The following ATP8A1 variants were observed in gnomAD, a reference collection of about 807,000 sequenced individuals.
The protein encoded by ATP8A1 is ATPase phospholipid transporting 8A1.
ATP8A1 carries 90 observed loss-of-function variants against 177.7 expected under a neutral mutation model. That is an observed-to-expected ratio of 0.51 (90% CI 0.43 to 0.60). The LOEUF (loss-of-function observed/expected upper bound fraction) is 0.60. ATP8A1 is among the 20% of genes least tolerant of loss of function. The pLI is 0.00. For synonymous variants in ATP8A1, 493 were observed against 485.9 expected (o/e 1.01, Z -0.19); for missense variants, 1,072 against 1,392.8 (o/e 0.77, Z 3.67).
chr4:42,578,335 G>C lies in ATP8A1; in HGVS notation c.1053C>G (p.Phe351Leu). The C allele has an allele frequency of 6.2e-7, 1 of 1,612,958 alleles. No individual in the cohort carries two copies. The highest frequency in any genetic ancestry group is 8.5e-7 in the Non-Finnish European group (1 of 1,179,340). ...GLNFLTFIIL[F>L]NNLIPISLLV... ...ATAAGCTGATAGGAATGAGATTGTTGAAAAGGATGATGAAGGTCAAGAAAT... is the reference window on the plus strand; with the variant it reads ...ATAAGCTGATAGGAATGAGATTGTTCAAAAGGATGATGAAGGTCAAGAAAT... Residue 351 changes from phenylalanine to leucine, a missense_variant, in exon 12 of 37, where the codon TTC becomes TTG. By Grantham distance (22) the Phe-to-Leu change is conservative. This residue lies in a region of ATP8A1 where 20 missense variants were observed against 51.3 expected (regional missense o/e 0.39). Transcript: ENST00000381668.
At chr4:42,437,122 G>T (rs927920083) in intron 33 of ATP8A1, among the ~76,000 whole-genome samples, 1 of 152,136 alleles carries the variant, frequency 6.6e-6, no homozygotes, top group African/African-American at 2.4e-5. Flanking sequence ...AGAAACAGAT[G>T]GTGCTCGGGA....
intron 1 of ATP8A1, among the ~76,000 whole-genome samples, chr4:42,653,276 G>T (rs1022849123): frequency 3.5e-4 from 39 of 112,268 alleles, no homozygotes; most frequent in African/African-American, 1.3e-3. Context: ...TAAACATTTT[G>T]CTTTCTCTTC....
At chr4:42,650,462 T>C (rs1276027325) in intron 1 of ATP8A1, among the ~76,000 whole-genome samples, 1 of 152,212 alleles carries the variant, frequency 6.6e-6, no homozygotes, top group Non-Finnish European at 1.5e-5. Context: ...TGGTGCATAA[T>C]AAGTGGTTTT....
At chr4:42,644,717 A>G (rs1740356664) in intron 1 of ATP8A1, among the ~76,000 whole-genome samples, 2 of 152,124 alleles carry the variant, frequency 1.3e-5, no homozygotes, top group South Asian at 4.1e-4. Flanking sequence ...CAGAGCGGCC[A>G]CCGAGAAACA....
intron 11 of ATP8A1, among the ~76,000 whole-genome samples, chr4:42,578,829 C>A (rs907262285): frequency 6.6e-6 from 1 of 151,902 alleles, no homozygotes; most frequent in African/African-American, 2.4e-5. Context: ...ATATTCAGTC[C>A]TAGGTAAATT....
chr4:42,522,042 T>C (rs746208353), intron 22 of ATP8A1, 118 bp downstream of exon 22: 28 of 1,142,822 alleles, frequency 2.5e-5, no homozygotes, highest in Non-Finnish European at 3.3e-5. Flanking sequence ...TGAGAGGGTA[T>C]TCAATAGTGA....
chr4:42,545,784 G>A (rs1324403896), intron 19 of ATP8A1, among the ~76,000 whole-genome samples: 1 of 152,110 alleles, frequency 6.6e-6, no homozygotes, highest in Non-Finnish European at 1.5e-5. Context: ...GACCAGCCTG[G>A]CCAACATGGT....
intron 30 of ATP8A1, among the ~76,000 whole-genome samples, chr4:42,450,352 T>C (rs1227204369): frequency 2.0e-5 from 3 of 152,220 alleles, no homozygotes; most frequent in Admixed American, 6.5e-5. Flanking sequence ...TGCCAATGGA[T>C]ATGGGGCTTC....
At chr4:42,459,786 A>AT (rs1337901206) in intron 27 of ATP8A1, among the ~76,000 whole-genome samples, 1 of 151,684 alleles carries the variant, frequency 6.6e-6, no homozygotes, top group Non-Finnish European at 1.5e-5. Flanking sequence ...TATTTTTTTA[A>AT]TTTTTATTTA....
chr4:42,421,914 T>C (rs1713985005), intron 35 of ATP8A1, among the ~76,000 whole-genome samples: 1 of 152,172 alleles, frequency 6.6e-6, no homozygotes, highest in Non-Finnish European at 1.5e-5. Context: ...TTAGTGGATT[T>C]GATTAGCTTT....
At chr4:42,568,623 A>G (rs760512195) in intron 15 of ATP8A1, among the ~76,000 whole-genome samples, 2 of 152,244 alleles carry the variant, frequency 1.3e-5, no homozygotes, top group African/African-American at 2.4e-5. Flanking sequence ...TAAATATACT[A>G]AAGTTAACTC....
chr4:42,523,755 T>C (rs1465536961), intron 21 of ATP8A1, among the ~76,000 whole-genome samples: 2 of 152,196 alleles, frequency 1.3e-5, no homozygotes, highest in African/African-American at 4.8e-5. Flanking sequence ...GCTGGGTAGG[T>C]TGCACCTGCC....
intron 30 of ATP8A1, among the ~76,000 whole-genome samples, chr4:42,450,456 A>C (rs1207580407): frequency 6.6e-6 from 1 of 152,186 alleles, no homozygotes; most frequent in African/African-American, 2.4e-5. Context: ...GTACACTTTA[A>C]AAGAGTTAAC....
chr4:42,651,232 C>G (rs552988792), intron 1 of ATP8A1, among the ~76,000 whole-genome samples: 1 of 152,122 alleles, frequency 6.6e-6, no homozygotes, highest in Admixed American at 6.5e-5. Flanking sequence ...AGTCTCGGTA[C>G]GTCTTCATCA....
At chr4:42,632,903 G>C (rs960043746) in intron 1 of ATP8A1, among the ~76,000 whole-genome samples, 3 of 152,182 alleles carry the variant, frequency 2.0e-5, no homozygotes, top group African/African-American at 7.2e-5. Flanking sequence ...TAATCTGACA[G>C]TTACTCTCAG....
intron 5 of ATP8A1, among the ~76,000 whole-genome samples, chr4:42,614,651 T>C (rs765840343): frequency 6.6e-6 from 1 of 152,156 alleles, no homozygotes; most frequent in Admixed American, 6.5e-5. Flanking sequence ...ACAAGAAATA[T>C]TGGAATCCCC....
At chr4:42,556,141 C>A in intron 15 of ATP8A1, 101 bp from the exon 16 acceptor site, 1 of 685,936 alleles carries the variant, frequency 1.5e-6, no homozygotes, top group East Asian at 3.1e-5. Context: ...TCTCCAAACC[C>A]TCAATAAATT....
intron 6 of ATP8A1, among the ~76,000 whole-genome samples, chr4:42,592,783 T>C (rs57050638): frequency 0.18 from 27,214 of 152,034 alleles, 3,122 homozygotes; most frequent in East Asian, 0.45. Flanking sequence ...TGTTACTGTA[T>C]GGAATAGTGT....
chr4:42,558,510 T>A (rs976580335), intron 15 of ATP8A1, among the ~76,000 whole-genome samples: 43 of 152,220 alleles, frequency 2.8e-4, no homozygotes, highest in African/African-American at 9.9e-4. Flanking sequence ...TAACTACTCA[T>A]TTTCTGATCA....
Sources: allele counts gnomAD v4.1 joint callset (sites outside exome capture counted in the v4.1 genomes callset), GRCh38; gene constraint gnomAD v4.1.1; regional missense constraint gnomAD v4.1.1; transcripts MANE v1.5; gene names NCBI Gene and HGNC (gene_info 2026-07-23, HGNC 2026-07-21).